Variants in MYCBP2 observed in about 807,000 individuals in gnomAD.
The protein encoded by MYCBP2 is MYC binding protein 2.
A neutral mutation model predicts 525.3 loss-of-function variants in MYCBP2; 120 were observed. That is an observed-to-expected ratio of 0.23 (90% CI 0.20 to 0.27). The LOEUF is 0.27. Among genes scored for constraint, MYCBP2 ranks in the 10% least tolerant of loss-of-function variants. MYCBP2 has a pLI of 1.00. For missense variants in MYCBP2, 4,149 were observed against 5,657.1 expected, an observed-to-expected ratio of 0.73 and a Z score of 8.55; for synonymous variants, 1,894 against 1,955.8, an observed-to-expected ratio of 0.97 and a Z score of 0.83.
intron 49 of MYCBP2, among the ~76,000 whole-genome samples, chr13:77,141,762 C>T (rs997313286): frequency 7.3e-6 from 1 of 137,806 alleles, no homozygotes; most frequent in African/African-American, 2.8e-5. Context: ...CAGAGTGAGA[C>T]TCTGTCTCAA....
At chr13:77,324,989 C>A (rs1343934403) in intron 1 of MYCBP2, among the ~76,000 whole-genome samples, 1 of 152,194 alleles carries the variant, frequency 6.6e-6, no homozygotes, top group Non-Finnish European at 1.5e-5. Flanking sequence ...AAAGCATTAG[C>A]AAGAAACAGA....
intron 45 of MYCBP2, among the ~76,000 whole-genome samples, chr13:77,157,209 C>T (rs2057315555): frequency 6.6e-6 from 1 of 152,160 alleles, no homozygotes; most frequent in African/African-American, 2.4e-5. Flanking sequence ...CTCCAAGAAG[C>T]TGGGACTACA....
intron 15 of MYCBP2, among the ~76,000 whole-genome samples, chr13:77,244,748 A>T (rs1234342846): frequency 6.6e-6 from 1 of 152,164 alleles, no homozygotes; most frequent in African/African-American, 2.4e-5. Context: ...ATGGGAGAAA[A>T]TTTTTGCAAT....
chr13:77,293,792 C>A (rs2077741867), intron 2 of MYCBP2, among the ~76,000 whole-genome samples: 1 of 152,010 alleles, frequency 6.6e-6, no homozygotes, highest in Non-Finnish European at 1.5e-5. Context: ...ATCTGAGCAG[C>A]CTCTACTATA....
chr13:77,158,051 G>A lies in MYCBP2; in HGVS notation c.6656C>T (p.Thr2219Ile), dbSNP rs1228658215. Residue 2219 changes from threonine to isoleucine, a missense_variant, in exon 45 of 83, where the codon ACT becomes ATT. Around this residue, in one of 21 missense-constraint regions of MYCBP2, gnomAD observed 692 missense variants for 852.7 expected, o/e 0.81. Coordinates refer to ENST00000544440, the MANE Select transcript of MYCBP2 (RefSeq NM_015057.5). ...GKGLALSHSP[T>I]ILEALEGNLP... Reference sequence around the variant, plus strand: ...ATTTCCCTCAAGTGCTTCTAATATAGTTGGTGAATGAGAAAGAGCTAGACC... The same window carrying A: ...ATTTCCCTCAAGTGCTTCTAATATAATTGGTGAATGAGAAAGAGCTAGACC... The A allele has an allele frequency of 6.2e-7, 1 of 1,613,222 alleles. No homozygotes were observed. The highest frequency in any genetic ancestry group is 1.7e-5 in the Admixed American group (1 of 59,944).
At chr13:77,185,548 G>A (rs1327402897) in intron 31 of MYCBP2, among the ~76,000 whole-genome samples, 171 bp from the exon 32 acceptor site, 1 of 152,112 alleles carries the variant, frequency 6.6e-6, no homozygotes, top group African/African-American at 2.4e-5. Context: ...CTAAATGGAA[G>A]GGGGAATAAA....
At chr13:77,152,399 C>A (rs1289378878) in intron 46 of MYCBP2, among the ~76,000 whole-genome samples, 2 of 152,164 alleles carry the variant, frequency 1.3e-5, no homozygotes, top group Non-Finnish European at 2.9e-5. Context: ...GAAGATGATA[C>A]AGACAGGAGT....
At chr13:77,304,965 A>G (rs2079225446) in intron 1 of MYCBP2, among the ~76,000 whole-genome samples, 1 of 151,972 alleles carries the variant, frequency 6.6e-6, no homozygotes, top group Non-Finnish European at 1.5e-5. Context: ...AAAAAATGTA[A>G]TATCTGAATA....
intron 1 of MYCBP2, among the ~76,000 whole-genome samples, chr13:77,305,893 C>T (rs2079357675): frequency 6.6e-6 from 1 of 152,170 alleles, no homozygotes; most frequent in African/African-American, 2.4e-5. Context: ...TAATCTAATA[C>T]AGATTATCTA....
Position 77,045,504 on chromosome 13 carries a change from T to G in MYCBP2, c.13922-11A>C. 2 of 1,567,524 alleles carry G rather than the reference T, an allele frequency of 1.3e-6. No homozygotes were observed. The highest frequency in any genetic ancestry group is 2.2e-5 in the East Asian group (1 of 44,668). ...GCTTGCCTTTGGGACCTGTATAAATTTGAAGGAGGCAAAGGAAAATAATGT... is the reference window on the plus strand; with the variant it reads ...GCTTGCCTTTGGGACCTGTATAAATGTGAAGGAGGCAAAGGAAAATAATGT... On this transcript the variant is annotated splice_polypyrimidine_tract_variant and intron_variant, in intron 82 of 82. Coordinates refer to ENST00000544440, the MANE Select transcript of MYCBP2 (RefSeq NM_015057.5).
chr13:77,134,582 CA>C (rs199903393), intron 52 of MYCBP2, among the ~76,000 whole-genome samples: 3,009 of 140,392 alleles, frequency 0.021, 42 homozygotes, highest in African/African-American at 0.051. Flanking sequence ...ACAAAAATAA[CA>C]AAAAAAAAAA....
At chr13:77,151,101 G>C (rs1199079918) in intron 46 of MYCBP2, 152 bp from the exon 47 acceptor site, 2 of 656,676 alleles carry the variant, frequency 3.0e-6, no homozygotes, top group Non-Finnish European at 5.1e-6. Context: ...TTATTGAAAA[G>C]AGTTCAAATG....
At position 77,266,877 on chromosome 13, in the gene MYCBP2, A is replaced by G. The variant is rs113236951; in HGVS notation, c.1357+964T>C. On this transcript the variant is annotated intron_variant, in intron 8 of 82. Coordinates refer to ENST00000544440, the MANE Select transcript of MYCBP2 (RefSeq NM_015057.5). ...GAAATGGACATGAAATGTCATATTTACTTTAACATAGTGTCATGTACACTA... is the reference window on the plus strand; with the variant it reads ...GAAATGGACATGAAATGTCATATTTGCTTTAACATAGTGTCATGTACACTA... Among the ~76,000 whole-genome samples, 1,326 of 151,896 alleles carry G rather than the reference A, an allele frequency of 8.7e-3. 13 individuals are homozygous for G. The highest frequency in any genetic ancestry group is 0.031 in the African/African-American group (1,268 of 41,476).
chr13:77,313,496 G>A (rs567621073), intron 1 of MYCBP2, among the ~76,000 whole-genome samples: 21 of 151,878 alleles, frequency 1.4e-4, no homozygotes, highest in East Asian at 9.7e-4. Context: ...AATGGAAAAC[G>A]GACTTTATAT....
intron 17 of MYCBP2, among the ~76,000 whole-genome samples, chr13:77,234,292 C>G (rs779069970): frequency 7.9e-5 from 12 of 151,786 alleles, no homozygotes; most frequent in Non-Finnish European, 1.8e-4. Context: ...TTAACTGAAA[C>G]AGGAATTATG....
At chr13:77,119,822 T>C (rs779167036) in intron 55 of MYCBP2, among the ~76,000 whole-genome samples, 2 of 152,176 alleles carry the variant, frequency 1.3e-5, no homozygotes, top group Non-Finnish European at 2.9e-5. Context: ...ACTCCTGGCC[T>C]CAAGTGATCC....
chr13:77,241,385 T>C (rs139908095), intron 17 of MYCBP2, among the ~76,000 whole-genome samples: 35 of 152,306 alleles, frequency 2.3e-4, no homozygotes, highest in African/African-American at 7.5e-4. Context: ...TGTGCTATAC[T>C]GTAGTTTAAA....
intron 51 of MYCBP2, 102 bp from the exon 52 acceptor site, chr13:77,139,438 C>A (rs2054253198): frequency 7.9e-7 from 1 of 1,261,254 alleles, no homozygotes; most frequent in Admixed American, 2.3e-5. Flanking sequence ...GGTGCATGTG[C>A]AGATTAAGCA....
chr13:77,225,405 G>A (rs925723434), intron 19 of MYCBP2, 30 bp downstream of exon 19: 12 of 1,612,186 alleles, frequency 7.4e-6, no homozygotes, highest in Admixed American at 5.0e-5. Flanking sequence ...TTGTAAAAAC[G>A]CAGTTATACC....
Sources: allele counts gnomAD v4.1 joint callset (sites outside exome capture counted in the v4.1 genomes callset), GRCh38; gene constraint gnomAD v4.1.1; regional missense constraint gnomAD v4.1.1; transcripts MANE v1.5; gene names NCBI Gene and HGNC (gene_info 2026-07-23, HGNC 2026-07-21).